The following KIF26B variants were observed in gnomAD, a reference collection of about 807,000 sequenced individuals.
The protein encoded by KIF26B is kinesin-like protein KIF26B.
A neutral mutation model predicts 151.2 loss-of-function variants in KIF26B; 63 were observed. The ratio of observed to expected loss-of-function variants is 0.42; its 90% CI spans 0.34 to 0.51. KIF26B has a LOEUF of 0.51. KIF26B is among the 20% of genes least tolerant of loss of function. The pLI is 0.07. For missense variants in KIF26B, 2,813 were observed against 2,913.6 expected, an observed-to-expected ratio of 0.97 and a Z score of 0.79; for synonymous variants, 1,357 against 1,262.1, an observed-to-expected ratio of 1.08 and a Z score of -1.59.
intron 2 of KIF26B, among the ~76,000 whole-genome samples, chr1:245,300,047 T>G (rs1450888024): frequency 6.6e-6 from 1 of 152,234 alleles, no homozygotes; most frequent in Non-Finnish European, 1.5e-5. Flanking sequence ...GTGAAGAGAC[T>G]TCTAGTCGTT....
chr1:245,216,720 G>A (rs781551668), intron 2 of KIF26B, among the ~76,000 whole-genome samples: 2 of 152,136 alleles, frequency 1.3e-5, no homozygotes, highest in Admixed American at 6.5e-5. Context: ...GGCATCACCC[G>A]GCTCTGCAAT....
chr1:245,400,740 T>C (rs145268659), intron 3 of KIF26B, among the ~76,000 whole-genome samples: 500 of 152,326 alleles, frequency 3.3e-3, no homozygotes, highest in African/African-American at 0.011. Context: ...ATTTTGGATA[T>C]GCAGGGTTAA....
intron 3 of KIF26B, among the ~76,000 whole-genome samples, chr1:245,381,842 A>G (rs1001631638): frequency 1.6e-4 from 9 of 54,592 alleles, no homozygotes; most frequent in Admixed American, 8.0e-4. Flanking sequence ...TCTCTGGTTA[A>G]TGGTCTGTTG....
intron 8 of KIF26B, among the ~76,000 whole-genome samples, chr1:245,611,399 T>C (rs534384917): frequency 3.8e-4 from 58 of 152,306 alleles, no homozygotes; most frequent in African/African-American, 1.3e-3. Context: ...ATCTAATCTT[T>C]GGACTCAAGA....
At chr1:245,532,471 T>C (rs12069493) in intron 4 of KIF26B, among the ~76,000 whole-genome samples, 13,331 of 151,934 alleles carry the variant, frequency 0.088, 1,255 homozygotes, top group African/African-American at 0.24. Flanking sequence ...GGTCTCGATC[T>C]CCCGACCTCG....
At chr1:245,240,900 T>A (rs1023651194) in intron 2 of KIF26B, among the ~76,000 whole-genome samples, 3 of 151,914 alleles carry the variant, frequency 2.0e-5, no homozygotes, top group African/African-American at 7.3e-5. Context: ...GAGAATGAGG[T>A]GGAAAGAAAC....
intron 2 of KIF26B, among the ~76,000 whole-genome samples, chr1:245,188,477 T>C (rs1669039432): frequency 6.6e-6 from 1 of 152,068 alleles, no homozygotes; most frequent in Admixed American, 6.5e-5. Context: ...AATAGCTCAA[T>C]TCAGAGAGAC....
At chr1:245,279,045 T>A (rs1300842554) in intron 2 of KIF26B, among the ~76,000 whole-genome samples, 1 of 152,130 alleles carries the variant, frequency 6.6e-6, no homozygotes, top group Non-Finnish European at 1.5e-5. Flanking sequence ...TTACGAAGCC[T>A]CTGTCATGCT....
At chr1:245,379,985 A>C (rs960671955) in intron 3 of KIF26B, among the ~76,000 whole-genome samples, 2 of 151,582 alleles carry the variant, frequency 1.3e-5, no homozygotes, top group African/African-American at 4.9e-5. Context: ...AAAAAAAAAA[A>C]AAGTCCTCAC....
intron 5 of KIF26B, among the ~76,000 whole-genome samples, chr1:245,592,610 C>T (rs991892545): frequency 1.6e-4 from 25 of 152,146 alleles, no homozygotes; most frequent in African/African-American, 5.1e-4. Flanking sequence ...ACGGAGCAGT[C>T]GCTGCCCCAA....
chr1:245,598,570 G>A (rs1471213285), intron 5 of KIF26B, among the ~76,000 whole-genome samples: 5 of 152,104 alleles, frequency 3.3e-5, no homozygotes, highest in African/African-American at 9.7e-5. Flanking sequence ...GAGAGATGAC[G>A]GGGCTGCTCC....
chr1:245,299,108 C>A (rs533151896), intron 2 of KIF26B, among the ~76,000 whole-genome samples: 2 of 152,182 alleles, frequency 1.3e-5, no homozygotes, highest in Non-Finnish European at 2.9e-5. Flanking sequence ...CGCTGCCTCC[C>A]GCCTGCCTTT....
intron 9 of KIF26B, among the ~76,000 whole-genome samples, chr1:245,641,104 C>G (rs982509969): frequency 2.0e-5 from 3 of 152,080 alleles, no homozygotes; most frequent in African/African-American, 7.2e-5. Context: ...GGTGCAGTAT[C>G]CTTGGGGAAC....
intron 5 of KIF26B, among the ~76,000 whole-genome samples, chr1:245,577,921 A>G (rs1284533339): frequency 6.6e-6 from 1 of 151,716 alleles, no homozygotes; most frequent in Non-Finnish European, 1.5e-5. Context: ...CCTACAAGGA[A>G]GAGCTTTCTG....
rs570958660 is a variant in KIF26B, at chr1:245,597,106, T to C, written c.1351-5471T>C. Among the ~76,000 whole-genome samples, 1 of 152,350 alleles carries C rather than the reference T, an allele frequency of 6.6e-6. No individual in the cohort carries two copies. The highest frequency in any genetic ancestry group is 2.4e-5 in the African/African-American group (1 of 41,590). On this transcript the variant is annotated intron_variant, in intron 5 of 14. Coordinates refer to ENST00000407071, the MANE Select transcript of KIF26B (RefSeq NM_018012.4). The surrounding 1 kb of genome is among the most constrained non-coding windows in gnomAD (Gnocchi z 4.6). ...CAATTTGCCAGTCTATATCTTTTAATTGGGGCATTTAGCCCATTTACATTT... is the reference window on the plus strand; with the variant it reads ...CAATTTGCCAGTCTATATCTTTTAACTGGGGCATTTAGCCCATTTACATTT...
intron 2 of KIF26B, among the ~76,000 whole-genome samples, chr1:245,206,115 GA>G (rs973954802): frequency 6.6e-6 from 1 of 152,108 alleles, no homozygotes; most frequent in African/African-American, 2.4e-5. Context: ...CCTCTTTGTT[GA>G]CTCATACCTT....
chr1:245,297,667 GA>G (rs1352533876), intron 2 of KIF26B, among the ~76,000 whole-genome samples: 2 of 152,118 alleles, frequency 1.3e-5, no homozygotes, highest in African/African-American at 4.8e-5. Context: ...TCTGCCTAAG[GA>G]AAAAATGTAT....
chr1:245,306,112 C>T (rs1326562991), intron 2 of KIF26B, among the ~76,000 whole-genome samples: 1 of 152,052 alleles, frequency 6.6e-6, no homozygotes, highest in Non-Finnish European at 1.5e-5. Flanking sequence ...TTTATAGCAA[C>T]ATTATTCATA....
intron 3 of KIF26B, among the ~76,000 whole-genome samples, chr1:245,385,444 G>A (rs939530853): frequency 2.6e-5 from 4 of 152,160 alleles, no homozygotes; most frequent in Admixed American, 2.0e-4. Flanking sequence ...CATGGATGCC[G>A]TAAACACATC....
Sources: gnomAD v4.1 joint callset for allele counts (sites outside exome capture counted in the v4.1 genomes callset) on GRCh38, gnomAD v4.1.1 for gene constraint, Gnocchi (gnomAD v3.1) non-coding constraint, MANE v1.5 for transcripts, NCBI Gene and HGNC (gene_info 2026-07-23, HGNC 2026-07-21) for gene names.